The following STX17 variants were observed in gnomAD, a reference collection of about 807,000 sequenced individuals.
STX17 encodes the protein syntaxin-17.
In STX17, 29 loss-of-function variants were observed where a neutral mutation model predicts 35.9. The ratio of observed to expected loss-of-function variants is 0.81; its 90% CI spans 0.60 to 1.10. STX17 has a LOEUF of 1.10. STX17 is among the 50% of genes least tolerant of loss of function. The pLI, the probability that STX17 is intolerant of heterozygous loss-of-function variation, is 0.00. For missense variants in STX17, 312 were observed against 352.3 expected (o/e 0.89, Z 0.92); for synonymous variants, 92 against 118.3 (o/e 0.78, Z 1.44).
chr9:99,969,471 G>T lies in STX17; in HGVS notation c.*798G>T, dbSNP rs1043951444. On this transcript the variant is annotated 3_prime_UTR_variant, in exon 8 of 8. Transcript: ENST00000259400. ...GGGGTGAATTCTACCCATGTATAAT[G>T]AGGAATTCTCTCATAACCTTTTTTG... The T allele has an allele frequency of 1.3e-5, 2 of 152,246 alleles. No homozygotes were observed. Among genetic ancestry groups the T allele is most frequent in the Admixed American group, 6.5e-5 (1 of 15,288 alleles). The allele number at this position is 152,246 out of a possible 1,614,324, so 9.4% of individuals were successfully genotyped here.
At chr9:99,949,605 C>T (rs2118475325) in intron 3 of STX17, among the ~76,000 whole-genome samples, 2 of 151,716 alleles carry the variant, frequency 1.3e-5, no homozygotes, top group African/African-American at 4.8e-5. Context: ...AATAATGTAA[C>T]ACCTCACTCA....
chr9:99,953,529 A>AT (rs1030157631), intron 4 of STX17, among the ~76,000 whole-genome samples: 7 of 152,020 alleles, frequency 4.6e-5, no homozygotes, highest in Non-Finnish European at 7.4e-5. Context: ...TATTGCTGCC[A>AT]TATTGGTGAG....
intron 3 of STX17, among the ~76,000 whole-genome samples, chr9:99,931,689 T>A (rs551785463): frequency 3.3e-5 from 5 of 152,204 alleles, no homozygotes; most frequent in Non-Finnish European, 7.3e-5. Context: ...AGAAAAAATT[T>A]GGCAGTCCCT....
rs183197654 is a variant in STX17, at chr9:99,971,837, A to G, written c.*3164A>G. On this transcript the variant is annotated 3_prime_UTR_variant, in exon 8 of 8. Coordinates refer to ENST00000259400, the MANE Select transcript of STX17 (RefSeq NM_017919.3). ...GGAGTTTGAGACCAGCCTGGGCAAC[A>G]TAGTGAGACTCTTGTCTGTATGAAA... 1.1e-5 allele frequency among the ~76,000 whole-genome samples: 1 copy of G among 88,226 alleles called. No individual in the cohort carries two copies. Among genetic ancestry groups the G allele is most frequent in the Non-Finnish European group, 2.4e-5 (1 of 41,424 alleles). 57.9% of individuals were successfully genotyped at this position (88,226 alleles called of 152,430 possible). A position where few individuals can be genotyped will look rare whatever the true frequency, so the allele number is the denominator to read the frequency against.
At chr9:99,949,723 A>T (rs1829554386) in intron 3 of STX17, among the ~76,000 whole-genome samples, 1 of 152,042 alleles carries the variant, frequency 6.6e-6, no homozygotes. Context: ...AAAATATATG[A>T]ATAGACATAT....
chr9:99,948,952 G>T (rs1045033624), intron 3 of STX17, among the ~76,000 whole-genome samples: 2 of 152,044 alleles, frequency 1.3e-5, no homozygotes, highest in Non-Finnish European at 2.9e-5. Context: ...AAATATTTCT[G>T]TAGACTGGTA....
intron 3 of STX17, among the ~76,000 whole-genome samples, chr9:99,929,433 G>A (rs1009970856): frequency 2.0e-5 from 3 of 151,370 alleles, no homozygotes; most frequent in Non-Finnish European, 2.9e-5. Flanking sequence ...TATTTACATG[G>A]TTTTAAAAGC....
At chr9:99,933,334 G>A (rs1351864868) in intron 3 of STX17, among the ~76,000 whole-genome samples, 1 of 152,072 alleles carries the variant, frequency 6.6e-6, no homozygotes, top group African/African-American at 2.4e-5. Context: ...ACAGTTTTAA[G>A]ATAAAGCTTG....
Position 99,968,530 on chromosome 9 carries a change from G to T in STX17, c.766G>T (p.Ala256Ser). The change falls in exon 8 of 8, where the codon GCA becomes TCA. Residue 256 changes from alanine to serine, a missense_variant. Physicochemically the swap from Ala to Ser is moderately conservative, Grantham distance 99 (BLOSUM62 1). Coordinates refer to ENST00000259400, the MANE Select transcript of STX17 (RefSeq NM_017919.3). ...PIGLLAGFKV[A>S]GIAAALGGGV... ...TGGCCTCCTTGCAGGCTTCAAAGTGGCAGGAATTGCAGCTGCACTTGGTGG... is the reference window on the plus strand; with the variant it reads ...TGGCCTCCTTGCAGGCTTCAAAGTGTCAGGAATTGCAGCTGCACTTGGTGG... The T allele has an allele frequency of 1.2e-6, 2 of 1,613,730 alleles. No individual in the cohort carries two copies. Among genetic ancestry groups the T allele is most frequent in the Non-Finnish European group, 1.7e-6 (2 of 1,179,856 alleles).
chr9:99,949,715 A>T (rs1829554236), intron 3 of STX17, among the ~76,000 whole-genome samples: 1 of 152,028 alleles, frequency 6.6e-6, no homozygotes, highest in Admixed American at 6.6e-5. Flanking sequence ...AATAATTTAA[A>T]ATATATGAAT....
At chr9:99,939,728 A>T (rs368597894) in intron 3 of STX17, among the ~76,000 whole-genome samples, 10 of 152,234 alleles carry the variant, frequency 6.6e-5, no homozygotes, top group South Asian at 4.2e-4. Flanking sequence ...TCCTTCATGA[A>T]GCCTACCTAG....
At chr9:99,934,185 T>C (rs1032359119) in intron 3 of STX17, among the ~76,000 whole-genome samples, 3 of 152,144 alleles carry the variant, frequency 2.0e-5, no homozygotes, top group Non-Finnish European at 4.4e-5. Context: ...GTCTAAGAAG[T>C]AGTAGGAAAC....
rs1028703259 is a variant in STX17 at position 99,973,418 on chromosome 9, A to C, written c.*4745A>C. Reference sequence around the variant, plus strand: ...CAACATTCCAAATCAGGCAATAGCTACAACGGAAAGATAATTGGACGGGGA... The same window carrying C: ...CAACATTCCAAATCAGGCAATAGCTCCAACGGAAAGATAATTGGACGGGGA... On this transcript the variant is annotated 3_prime_UTR_variant, in exon 8 of 8. Transcript: ENST00000259400. Among the ~76,000 whole-genome samples, 14 of 152,190 alleles carry C rather than the reference A, an allele frequency of 9.2e-5. No individual in the cohort carries two copies. The highest frequency in any genetic ancestry group is 3.3e-4 in the Admixed American group (5 of 15,274).
intron 2 of STX17, among the ~76,000 whole-genome samples, chr9:99,919,920 T>C (rs1828856294): frequency 6.6e-6 from 1 of 152,208 alleles, no homozygotes; most frequent in Admixed American, 6.5e-5. Flanking sequence ...AAATCTGAAC[T>C]ATATAGTATA....
At chr9:99,937,486 A>G (rs780478175) in intron 3 of STX17, among the ~76,000 whole-genome samples, 14 of 152,104 alleles carry the variant, frequency 9.2e-5, no homozygotes, top group Admixed American at 5.2e-4. Flanking sequence ...GTCTATTGCC[A>G]TGCCTTTATG....
In STX17 at chr9:99,908,031, G is replaced by A. The variant is rs193225193; in HGVS notation, c.-63+1325G>A. On this transcript the variant is annotated intron_variant, in intron 1 of 7. Coordinates refer to ENST00000259400, the MANE Select transcript of STX17 (RefSeq NM_017919.3). ...ATGCTGGTCAGTTATTTTGTAGAGTGCCCCTCAAATGGGGTTTGTCCAGTG... is the reference window on the plus strand; with the variant it reads ...ATGCTGGTCAGTTATTTTGTAGAGTACCCCTCAAATGGGGTTTGTCCAGTG... 2.0e-5 allele frequency among the ~76,000 whole-genome samples: 3 copies of A among 152,312 alleles called. No homozygotes were observed. In the East Asian group the frequency reaches 5.8e-4, roughly 29 times the overall value.
chr9:99,943,593 G>A (rs1452031777), intron 3 of STX17, among the ~76,000 whole-genome samples: 3 of 152,216 alleles, frequency 2.0e-5, no homozygotes, highest in African/African-American at 7.2e-5. Context: ...ACAGGCGTGA[G>A]CCACTGCACC....
At chr9:99,929,448 T>G (rs1025986292) in intron 3 of STX17, among the ~76,000 whole-genome samples, 3 of 151,874 alleles carry the variant, frequency 2.0e-5, no homozygotes, top group Non-Finnish European at 4.4e-5. Flanking sequence ...AAAAGCCAAA[T>G]ACAAATAGAG....
At chr9:99,954,993 C>T (rs533124007) in intron 4 of STX17, among the ~76,000 whole-genome samples, 2 of 152,128 alleles carry the variant, frequency 1.3e-5, no homozygotes, top group African/African-American at 4.8e-5. Flanking sequence ...TGAGAAACTC[C>T]CTTCTGTCTC....
Sources: gnomAD v4.1 joint callset for allele counts (sites outside exome capture counted in the v4.1 genomes callset) on GRCh38, gnomAD v4.1.1 for gene constraint, MANE v1.5 for transcripts, NCBI Gene and HGNC (gene_info 2026-07-23, HGNC 2026-07-21) for gene names.